The following OXNAD1 variants were observed in gnomAD, a reference collection of about 807,000 sequenced individuals.
The protein encoded by OXNAD1 is oxidoreductase NAD-binding domain-containing protein 1.
A neutral mutation model predicts 32.9 loss-of-function variants in OXNAD1; 34 were observed. That is an observed-to-expected ratio of 1.03 (90% CI 0.79 to 1.38). OXNAD1 has a LOEUF of 1.38. Ranked by LOEUF, OXNAD1 falls within the 40% of genes most tolerant of loss-of-function variation. OXNAD1 has a pLI of 0.00. For missense variants in OXNAD1, 407 were observed against 379.4 expected (o/e 1.07, Z -0.60); for synonymous variants, 134 against 135.2 (o/e 0.99, Z 0.06).
intron 4 of OXNAD1, among the ~76,000 whole-genome samples, chr3:16,278,011 C>T (rs941122588): frequency 3.9e-5 from 6 of 152,140 alleles, no homozygotes; most frequent in African/African-American, 9.7e-5. Flanking sequence ...GGGGTCATTC[C>T]GTGCTTGGCC....
In OXNAD1 at chr3:16,322,248, C is replaced by T. The variant is rs1345633065; in HGVS notation, c.*31-14864C>T. Reference sequence around the variant, plus strand: ...CACCTGTCACATTACACCTTCAGAGCCTGGAGAAAGACCTTCCTCCACACT... The same window carrying T: ...CACCTGTCACATTACACCTTCAGAGTCTGGAGAAAGACCTTCCTCCACACT... On this transcript the variant is annotated intron_variant, in intron 9 of 9. Coordinates refer to the OXNAD1 transcript ENST00000435829. The surrounding 1 kb of genome is among the most constrained non-coding windows in gnomAD (Gnocchi z 6.2). 6.6e-6 allele frequency among the ~76,000 whole-genome samples: 1 copy of T among 152,200 alleles called. No individual in the cohort carries two copies. Among genetic ancestry groups the T allele is most frequent in the African/African-American group, 2.4e-5 (1 of 41,452 alleles).
At chr3:16,349,562 C>T (rs1005970016) in exon 10 of OXNAD1, 28 of 152,292 alleles carry the variant, frequency 1.8e-4, no homozygotes, top group African/African-American at 5.1e-4. Context: ...TATACACATA[C>T]GCCATTTAAA....
chr3:16,325,751 G>A (rs563395), intron 9 of OXNAD1, among the ~76,000 whole-genome samples: 50,258 of 152,094 alleles, frequency 0.33, 8,990 homozygotes, highest in Non-Finnish European at 0.39. Context: ...TGTGGAATCT[G>A]AGGATCCTGG....
At chr3:16,293,100 G>A (rs1228553391) in intron 5 of OXNAD1, among the ~76,000 whole-genome samples, 1 of 152,154 alleles carries the variant, frequency 6.6e-6, no homozygotes, top group East Asian at 1.9e-4. Flanking sequence ...TGAATCTGTG[G>A]ATCAATTTGA....
intron 1 of OXNAD1, among the ~76,000 whole-genome samples, chr3:16,268,135 A>G (rs2064670093): frequency 6.6e-6 from 1 of 152,176 alleles, no homozygotes; most frequent in Non-Finnish European, 1.5e-5. Flanking sequence ...ACCGCCGGAC[A>G]TATTTCAAAA....
chr3:16,323,136 T>TGC (rs1405152468), intron 9 of OXNAD1, among the ~76,000 whole-genome samples: 1 of 152,086 alleles, frequency 6.6e-6, no homozygotes, highest in Non-Finnish European at 1.5e-5. Context: ...CAGAAGAGCC[T>TGC]CTCTCCTCCA....
In OXNAD1 at chr3:16,287,122, C is replaced by T. The variant is rs187174960; in HGVS notation, c.290+674C>T. Among the ~76,000 whole-genome samples, 1 of 152,286 alleles carries T rather than the reference C, an allele frequency of 6.6e-6. No individual in the cohort carries two copies. Among genetic ancestry groups the T allele is most frequent in the Admixed American group, 6.5e-5 (1 of 15,300 alleles). ...CTCCGAATGGGGCCTCCCTGAGCTT[C>T]AATTCAAGTTCAATTGTAAGGAAAG... On this transcript the variant is annotated intron_variant, in intron 5 of 8. Transcript: ENST00000285083. The surrounding 1 kb of genome is among the most constrained non-coding windows in gnomAD (Gnocchi z 4.8).
intron 9 of OXNAD1, among the ~76,000 whole-genome samples, chr3:16,318,940 C>T (rs540576758): frequency 8.5e-5 from 13 of 152,260 alleles, no homozygotes; most frequent in Middle Eastern, 3.4e-3. Context: ...CTACTTAAGC[C>T]GAGCCTGCCA....
Position 16,295,010 on chromosome 3 carries a change from C to A in OXNAD1, c.432+13C>A. 2.5e-6 allele frequency: 4 copies of A among 1,597,670 alleles called. No homozygotes were observed. The South Asian group carries it at 4.5e-5, about 18-fold the overall frequency. ...GGTTCACAATACGGTAAGCACACTG[C>A]CTGTTTAAACGCGATGATCTGGGTA... On this transcript the variant is annotated intron_variant, in intron 6 of 8. Coordinates refer to ENST00000285083, the MANE Select transcript of OXNAD1 (RefSeq NM_138381.5).
rs1025733196 is a variant in OXNAD1 at position 16,337,301 on chromosome 3, G to C, written c.*220G>C. 6.6e-6 allele frequency: 1 copy of C among 152,212 alleles called. No individual in the cohort carries two copies. Among genetic ancestry groups the C allele is most frequent in the Non-Finnish European group, 1.5e-5 (1 of 68,040 alleles). 9.4% of individuals were successfully genotyped at this position (152,212 alleles called of 1,614,324 possible). ...AAGTTGAAGGAAAAATCACCCAGCT[G>C]ACCTGTTTGGGTTATGATTTTAACT... is the stretch of plus-strand genomic sequence containing the variant. On this transcript the variant is annotated 3_prime_UTR_variant, in exon 10 of 10. Coordinates refer to the OXNAD1 transcript ENST00000435829. This position sits in a 1 kb window ranked among gnomAD's most constrained non-coding sequence, Gnocchi z 5.0.
intron 9 of OXNAD1, chr3:16,323,295 G>GC (rs2069290888): frequency 9.7e-7 from 1 of 1,028,106 alleles, no homozygotes; most frequent in Non-Finnish European, 1.5e-6. Context: ...GGAGCAGGCT[G>GC]CCCCCTCAAA....
At position 16,316,881 on chromosome 3, in the gene OXNAD1, T is replaced by G. The variant is rs566569759; in HGVS notation, c.*30+13289T>G. On this transcript the variant is annotated intron_variant, in intron 9 of 9. Coordinates refer to the OXNAD1 transcript ENST00000435829. The surrounding 1 kb of genome is among the most constrained non-coding windows in gnomAD (Gnocchi z 4.5). The stretch of plus-strand genomic sequence containing the variant: ...CTGACTTCCTCAGCATCCCCGTCCC[T>G]GGCATCCTCTCCAGGATTGGAGTGC... 5 of 1,614,188 alleles carry G rather than the reference T, an allele frequency of 3.1e-6. No homozygotes were observed. In the South Asian group the frequency reaches 5.5e-5, roughly 18 times the overall value.
downstream of OXNAD1, among the ~76,000 whole-genome samples, chr3:16,310,863 G>T (rs912620093): frequency 6.6e-6 from 1 of 151,938 alleles, no homozygotes; most frequent in African/African-American, 2.4e-5. Flanking sequence ...GGTGGTGCAT[G>T]CCTGTAATCC....
Position 16,316,802 on chromosome 3 carries a change from T to C in OXNAD1, c.*30+13210T>C. 5 of 1,612,904 alleles carry C rather than the reference T, an allele frequency of 3.1e-6. No homozygotes were observed. The African/African-American group carries it at 5.3e-5, about 17-fold the overall frequency. ...GATGCCTTGGGTTTGGCAACTCACC[T>C]AGTTTTAGCACAAATTGCCCAAGAC... On this transcript the variant is annotated intron_variant, in intron 9 of 9. Transcript: ENST00000435829. The surrounding 1 kb of genome is among the most constrained non-coding windows in gnomAD (Gnocchi z 4.5).
chr3:16,306,430 A>G (rs554947890), downstream of OXNAD1, among the ~76,000 whole-genome samples: 2 of 152,318 alleles, frequency 1.3e-5, no homozygotes, highest in African/African-American at 4.8e-5. Context: ...CACAACCACA[A>G]TGTCATCATC....
In OXNAD1 at chr3:16,271,187, G is replaced by A. The variant is rs1455249268; in HGVS notation, c.119+116G>A. 3 of 1,255,084 alleles carry A rather than the reference G, an allele frequency of 2.4e-6. No homozygotes were observed. The African/African-American group carries it at 5.0e-5, about 21-fold the overall frequency. 77.7% of individuals were successfully genotyped at this position (1,255,084 alleles called of 1,614,324 possible). The stretch of plus-strand genomic sequence containing the variant: ...AAAGGTAACACCTTAGCTTCAATGT[G>A]CATGCTGTCAGGTTGTTAACCGTTT... On this transcript the variant is annotated intron_variant, in intron 3 of 8. Transcript: ENST00000285083. This position sits in a 1 kb window ranked among gnomAD's most constrained non-coding sequence, Gnocchi z 4.6.
Position 16,287,938 on chromosome 3 carries a change from G to A in OXNAD1, c.290+1490G>A, listed in dbSNP as rs553861947. Among the ~76,000 whole-genome samples, 231 of 152,280 alleles carry A rather than the reference G, an allele frequency of 1.5e-3. 1 individual carries two copies. Among genetic ancestry groups the A allele is most frequent in the Non-Finnish European group, 2.3e-3 (159 of 68,030 alleles). On this transcript the variant is annotated intron_variant, in intron 5 of 8. Coordinates refer to ENST00000285083, the MANE Select transcript of OXNAD1 (RefSeq NM_138381.5). The surrounding 1 kb of genome is among the most constrained non-coding windows in gnomAD (Gnocchi z 4.8). ...TCGTATGTGCCTGTCAGACTTCTTCGGAGGTCGGACTTGGCGGGTAAGGAT... is the reference window on the plus strand; with the variant it reads ...TCGTATGTGCCTGTCAGACTTCTTCAGAGGTCGGACTTGGCGGGTAAGGAT...
At position 16,317,547 on chromosome 3, in the gene OXNAD1, A is replaced by AT. The variant is rs993418841; in HGVS notation, c.*30+13958dup. Among the ~76,000 whole-genome samples the AT allele has an allele frequency of 1.2e-4, 18 of 152,190 alleles. No individual in the cohort carries two copies. The highest frequency in any genetic ancestry group is 8.5e-4 in the Admixed American group (13 of 15,276). ...AGGAAAGGGCTCCTAAAGTCCTATC[A>AT]TTTGGAGGGCCAGGATGGAGAGGAG... is the stretch of plus-strand genomic sequence containing the variant. On this transcript the variant is annotated intron_variant, in intron 9 of 9. Transcript: ENST00000435829. The surrounding 1 kb of genome is among the most constrained non-coding windows in gnomAD (Gnocchi z 4.3).
intron 2 of OXNAD1, among the ~76,000 whole-genome samples, chr3:16,270,574 G>C (rs889728964): frequency 2.6e-5 from 4 of 152,130 alleles, no homozygotes; most frequent in Non-Finnish European, 5.9e-5. Context: ...AAATATAAAA[G>C]ACTTATGCAG....
Sources: gnomAD v4.1 joint callset for allele counts (sites outside exome capture counted in the v4.1 genomes callset) on GRCh38, gnomAD v4.1.1 for gene constraint, Gnocchi (gnomAD v3.1) non-coding constraint, MANE v1.5 for transcripts, NCBI Gene and HGNC (gene_info 2026-07-23, HGNC 2026-07-21) for gene names.